The following NELL2 variants were observed in gnomAD, a reference collection of about 807,000 sequenced individuals.
NELL2 encodes protein kinase C-binding protein NELL2.
A neutral mutation model predicts 109.6 loss-of-function variants in NELL2; 41 were observed. The observed-to-expected ratio is 0.37, with a 90% CI of 0.29 to 0.49. The LOEUF (loss-of-function observed/expected upper bound fraction) is 0.49, where lower values mean the gene tolerates loss of function less well. Among genes scored for constraint, NELL2 ranks in the 20% least tolerant of loss-of-function variants. NELL2 has a pLI of 0.98. For synonymous variants in NELL2, 355 were observed against 344.7 expected, an observed-to-expected ratio of 1.03 and a Z score of -0.33; for missense variants, 900 against 1,008.3, an observed-to-expected ratio of 0.89 and a Z score of 1.45.
At chr12:44,616,034 TGTCTGAGA>T (rs2136261975) in intron 13 of NELL2, among the ~76,000 whole-genome samples, 1 of 152,226 alleles carries the variant, frequency 6.6e-6, no homozygotes, top group East Asian at 1.9e-4. Context: ...ACACCTCCAA[TGTCTGAGA>T]GTCTTCTCCT....
chr12:44,711,748 T>C (rs893776333), intron 10 of NELL2, among the ~76,000 whole-genome samples: 2 of 151,940 alleles, frequency 1.3e-5, no homozygotes, highest in South Asian at 4.1e-4. Context: ...TATCAACAGC[T>C]TTTGAAAAAA....
chr12:44,744,276 G>A (rs973197508), intron 9 of NELL2, among the ~76,000 whole-genome samples: 1 of 152,106 alleles, frequency 6.6e-6, no homozygotes. Context: ...CAACATACCA[G>A]AATCTCTGGG....
At chr12:44,835,142 C>G (rs1023293432) in intron 2 of NELL2, among the ~76,000 whole-genome samples, 1 of 152,000 alleles carries the variant, frequency 6.6e-6, no homozygotes, top group African/African-American at 2.4e-5. Context: ...GGGACTGGCC[C>G]GGCAGGTACC....
In NELL2 at chr12:44,876,244, G is replaced by A; in HGVS notation, c.-375C>T. The A allele has an allele frequency of 8.6e-7, 1 of 1,161,342 alleles. No homozygotes were observed. The highest frequency in any genetic ancestry group is 1.1e-6 in the Non-Finnish European group (1 of 940,650). The allele number at this position is 1,161,342 out of a possible 1,614,324, so 71.9% of individuals were successfully genotyped here. Reference sequence around the variant, plus strand: ...GTAGAAGGGGGGCGGCCCCAAGAAAGCCCGGGCTGGGGCGGCCCCGCACCC... The same window carrying A: ...GTAGAAGGGGGGCGGCCCCAAGAAAACCCGGGCTGGGGCGGCCCCGCACCC... On this transcript the variant is annotated 5_prime_UTR_variant, in exon 1 of 20. Coordinates refer to ENST00000429094, the MANE Select transcript of NELL2 (RefSeq NM_001145108.2).
intron 13 of NELL2, among the ~76,000 whole-genome samples, chr12:44,616,476 C>T (rs1308597885): frequency 2.0e-5 from 3 of 152,194 alleles, no homozygotes; most frequent in Admixed American, 6.5e-5. Flanking sequence ...AACCTCTAGT[C>T]GTAACTATCA....
chr12:44,593,432 T>A (rs1408170158), intron 15 of NELL2, among the ~76,000 whole-genome samples: 1 of 152,124 alleles, frequency 6.6e-6, no homozygotes, highest in East Asian at 1.9e-4. Context: ...TATTGCAGTG[T>A]TTTATTAGGG....
intron 2 of NELL2, among the ~76,000 whole-genome samples, chr12:44,855,586 G>A (rs1466792730): frequency 1.3e-5 from 2 of 152,142 alleles, no homozygotes; most frequent in Non-Finnish European, 2.9e-5. Flanking sequence ...ATGCACTCCA[G>A]TTTGTCTGGC....
intron 2 of NELL2, among the ~76,000 whole-genome samples, chr12:44,825,387 T>C (rs1212054453): frequency 1.4e-5 from 2 of 144,892 alleles, no homozygotes; most frequent in Non-Finnish European, 3.0e-5. Context: ...GTTTTATTCA[T>C]TTCCTTTTTT....
At chr12:44,585,324 G>A (rs1002598852) in intron 15 of NELL2, among the ~76,000 whole-genome samples, 10 of 152,152 alleles carry the variant, frequency 6.6e-5, no homozygotes, top group Admixed American at 1.3e-4. Context: ...ATAAGAGGCT[G>A]GGCGCAGTGG....
intron 9 of NELL2, among the ~76,000 whole-genome samples, chr12:44,771,020 T>C (rs1287281336): frequency 6.6e-6 from 1 of 152,208 alleles, no homozygotes; most frequent in African/African-American, 2.4e-5. Flanking sequence ...ATAATTTTTT[T>C]TTTAAACCTG....
chr12:44,545,353 T>TCC, intron 15 of NELL2, among the ~76,000 whole-genome samples: 1 of 152,200 alleles, frequency 6.6e-6, no homozygotes, highest in East Asian at 1.9e-4. Flanking sequence ...GAGGAGGAAA[T>TCC]CCTTTTAAGA....
intron 2 of NELL2, 62 bp from the exon 3 acceptor site, chr12:44,816,198 C>T: frequency 1.4e-6 from 2 of 1,379,854 alleles, no homozygotes; most frequent in Middle Eastern, 2.5e-4. Flanking sequence ...GTATCTTTTA[C>T]ATGTAACATC....
At chr12:44,580,408 G>T (rs1396409268) in intron 15 of NELL2, among the ~76,000 whole-genome samples, 1 of 152,118 alleles carries the variant, frequency 6.6e-6, no homozygotes, top group Non-Finnish European at 1.5e-5. Context: ...CAAAGTAAGT[G>T]CTCAGAAGTA....
rs1491354933 is a variant in NELL2, at chr12:44,587,308, T to TATA, written c.1663+19860_1663+19861insTAT. ...AAATATATATATATATATATATATA[T>TATA]TTTTTTTTAAATATGAAGTTATATA... is the stretch of plus-strand genomic sequence containing the variant. On this transcript the variant is annotated intron_variant, in intron 15 of 19. Coordinates refer to ENST00000429094, the MANE Select transcript of NELL2 (RefSeq NM_001145108.2). Among the ~76,000 whole-genome samples, 151 of 68,202 alleles carry TATA rather than the reference T, an allele frequency of 2.2e-3. 1 individual carries two copies. Among genetic ancestry groups the TATA allele is most frequent in the African/African-American group, 8.8e-3 (147 of 16,624 alleles). The allele number at this position is 68,202 out of a possible 152,430, so 44.7% of individuals were successfully genotyped here.
rs532048112 is a variant in NELL2 at position 44,562,559 on chromosome 12, C to A, written c.1664-29838G>T. ...GACATTCGTGTGACCAACAAACATACGAAAAAAAGCTCATCATCACTGGTC... is the reference window on the plus strand; with the variant it reads ...GACATTCGTGTGACCAACAAACATAAGAAAAAAAGCTCATCATCACTGGTC... On this transcript the variant is annotated intron_variant, in intron 15 of 19. Transcript: ENST00000429094. Among the ~76,000 whole-genome samples, 448 of 152,078 alleles carry A rather than the reference C, an allele frequency of 2.9e-3. 1 individual carries two copies. The highest frequency in any genetic ancestry group is 0.014 in the Middle Eastern group (4 of 294).
chr12:44,914,357 G>A (rs992473005), upstream of NELL2, among the ~76,000 whole-genome samples: 1 of 152,140 alleles, frequency 6.6e-6, no homozygotes, highest in Non-Finnish European at 1.5e-5. Context: ...GACCTTTACA[G>A]TTGCTGTTCT....
intron 12 of NELL2, among the ~76,000 whole-genome samples, chr12:44,675,595 G>A (rs953916891): frequency 6.6e-6 from 1 of 152,082 alleles, no homozygotes; most frequent in Admixed American, 6.6e-5. Context: ...TTTTAGATCT[G>A]AGAGGAACTT....
At chr12:44,622,913 C>T (rs2136274118) in intron 13 of NELL2, among the ~76,000 whole-genome samples, 1 of 152,186 alleles carries the variant, frequency 6.6e-6, no homozygotes. Flanking sequence ...GGATTACATA[C>T]ATTGTTCTTG....
Position 44,777,212 on chromosome 12 carries a change from A to T in NELL2, c.679+30T>A, listed in dbSNP as rs779347564. On this transcript the variant is annotated intron_variant, in intron 6 of 19. Transcript: ENST00000429094. ...CTATGCTGACAAGTAATATATGGGG[A>T]CTCCACAGTGCAAGAACTAATAGAC... The T allele has an allele frequency of 3.8e-5, 61 of 1,608,136 alleles. No homozygotes were observed. The East Asian group carries it at 1.2e-3, about 33-fold the overall frequency.
Sources: gnomAD v4.1 joint callset for allele counts (sites outside exome capture counted in the v4.1 genomes callset) on GRCh38, gnomAD v4.1.1 for gene constraint, MANE v1.5 for transcripts, NCBI Gene and HGNC (gene_info 2026-07-23, HGNC 2026-07-21) for gene names.